Variants in ETNK1 observed in about 807,000 individuals in gnomAD.
ETNK1 encodes putative protein product of Nbla10396.
A neutral mutation model predicts 45.1 loss-of-function variants in ETNK1; 8 were observed. The ratio of observed to expected loss-of-function variants is 0.18; its 90% CI spans 0.10 to 0.32. The LOEUF is 0.32. Ranked by LOEUF, ETNK1 falls within the 10% of genes least tolerant of loss-of-function variation. The pLI is 1.00. For missense variants in ETNK1, 302 were observed against 430.6 expected, an observed-to-expected ratio of 0.70 and a Z score of 2.64; for synonymous variants, 152 against 151.9, an observed-to-expected ratio of 1.00 and a Z score of -0.01.
intron 2 of ETNK1, among the ~76,000 whole-genome samples, chr12:22,652,712 G>T (rs1953894401): frequency 6.6e-6 from 1 of 151,300 alleles, no homozygotes; most frequent in Non-Finnish European, 1.5e-5. Context: ...TTGAGTTGTG[G>T]GAGTTTGTTA....
intron 6 of ETNK1, among the ~76,000 whole-genome samples, chr12:22,683,796 A>C (rs953411552): frequency 1.3e-5 from 2 of 152,192 alleles, no homozygotes; most frequent in African/African-American, 4.8e-5. Flanking sequence ...TCTACTTAGA[A>C]TATTTCTAGT....
At chr12:22,660,310 G>T (rs879197636) in intron 3 of ETNK1, among the ~76,000 whole-genome samples, 5 of 152,118 alleles carry the variant, frequency 3.3e-5, no homozygotes, top group Non-Finnish European at 7.4e-5. Context: ...GAGTATAGCC[G>T]TTTTGTAAGC....
At chr12:22,662,328 T>C (rs1309466484) in intron 4 of ETNK1, among the ~76,000 whole-genome samples, 1 of 145,284 alleles carries the variant, frequency 6.9e-6, no homozygotes, top group African/African-American at 2.5e-5. Flanking sequence ...CCCCAGGTGA[T>C]CCGCCCACCT....
At chr12:22,634,739 C>T (rs1953632654) in intron 1 of ETNK1, among the ~76,000 whole-genome samples, 1 of 151,918 alleles carries the variant, frequency 6.6e-6, no homozygotes. Flanking sequence ...TTTATTTGTA[C>T]AGATGGGATT....
At chr12:22,658,448 G>T (rs796293615) in intron 2 of ETNK1, among the ~76,000 whole-genome samples, 5 of 152,300 alleles carry the variant, frequency 3.3e-5, no homozygotes, top group African/African-American at 1.2e-4. Context: ...CAAACATAGG[G>T]TCCTGGGTCC....
chr12:22,668,108 T>C (rs1189262262), intron 4 of ETNK1, among the ~76,000 whole-genome samples: 1 of 152,180 alleles, frequency 6.6e-6, no homozygotes, highest in Non-Finnish European at 1.5e-5. Context: ...TTTTTAAAGG[T>C]CAGGGGTCCC....
chr12:22,628,766 G>A (rs1953536890), intron 1 of ETNK1, among the ~76,000 whole-genome samples: 1 of 151,886 alleles, frequency 6.6e-6, no homozygotes, highest in Non-Finnish European at 1.5e-5. Context: ...CCATTACTTG[G>A]GACTTATAGT....
rs551648649 is a variant in ETNK1, at chr12:22,646,073, A to T, written c.416+2051A>T. Among the ~76,000 whole-genome samples, 3 of 152,004 alleles carry T rather than the reference A, an allele frequency of 2.0e-5. No individual in the cohort carries two copies. In the South Asian group the frequency reaches 6.2e-4, roughly 31 times the overall value. On this transcript the variant is annotated intron_variant, in intron 2 of 7. Transcript: ENST00000266517. ...CCGAGAAAGTAAGCAAAAGAAGATG[A>T]CACTGAAGAACCCTGTATGATAGGA...
chr12:22,686,333 G>C lies in ETNK1; in HGVS notation c.*1379G>C, dbSNP rs1954260445. ...ATGGTTAACTTTACTTAGAAAATTA[G>C]TCTGACAAGCTTTGCACTTCGGTCA... On this transcript the variant is annotated 3_prime_UTR_variant, in exon 8 of 8. Transcript: ENST00000266517. 1 of 152,244 alleles carries C rather than the reference G, an allele frequency of 6.6e-6. No individual in the cohort carries two copies. Among genetic ancestry groups the C allele is most frequent in the African/African-American group, 2.4e-5 (1 of 41,400 alleles). 9.4% of individuals were successfully genotyped at this position (152,244 alleles called of 1,614,324 possible).
At chr12:22,668,342 T>C (rs1161619516) in intron 4 of ETNK1, among the ~76,000 whole-genome samples, 1 of 152,218 alleles carries the variant, frequency 6.6e-6, no homozygotes, top group Non-Finnish European at 1.5e-5. Flanking sequence ...GTTAAATTTA[T>C]AGAAGGAAAA....
At chr12:22,638,744 G>A (rs1263246454) in intron 1 of ETNK1, 2 of 152,062 alleles carry the variant, frequency 1.3e-5, no homozygotes, top group African/African-American at 4.8e-5. Context: ...TATCATGCAA[G>A]TTAAAAATTA....
rs891880648 is a variant in ETNK1, at chr12:22,687,534, A to G, written c.*2580A>G. 5.9e-5 allele frequency: 9 copies of G among 152,010 alleles called. No homozygotes were observed. The highest frequency in any genetic ancestry group is 2.2e-4 in the African/African-American group (9 of 41,394). 9.4% of individuals were successfully genotyped at this position (152,010 alleles called of 1,614,324 possible). A position where few individuals can be genotyped will look rare whatever the true frequency, so the allele number is the denominator to read the frequency against. On this transcript the variant is annotated 3_prime_UTR_variant, in exon 8 of 8. Transcript: ENST00000266517. ...ATGCTTTAACAAGCCAAATTCCGCA[A>G]TTTTTTTTCCTTTTTTCCCCTTCAT... is the stretch of plus-strand genomic sequence containing the variant.
chr12:22,659,086 T>G lies in ETNK1; in HGVS notation c.489T>G (p.Leu163=). 2.5e-6 allele frequency: 4 copies of G among 1,614,026 alleles called. No homozygotes were observed. The highest frequency in any genetic ancestry group is 1.6e-4 in the Middle Eastern group (1 of 6,062). The part of the protein sequence containing the change: ...AHNGWIPKSN[L]WLKMGKYFSL... ...ATGGCTGGATCCCCAAATCTAATCT[T>G]TGGCTAAAGATGGGAAAGTATTTCT... Residue 163 remains leucine (L), a synonymous_variant, in exon 3 of 8, where the codon CTT becomes CTG. Transcript: ENST00000266517.
At chr12:22,636,656 T>A (rs1953658909) in intron 1 of ETNK1, among the ~76,000 whole-genome samples, 1 of 152,204 alleles carries the variant, frequency 6.6e-6, no homozygotes. Flanking sequence ...TTCAAGCAAC[T>A]GCAGATTGAA....
In ETNK1 at chr12:22,688,617, A is replaced by G. The variant is rs879223883; in HGVS notation, c.*3663A>G. 2 of 152,392 alleles carry G rather than the reference A, an allele frequency of 1.3e-5. No individual in the cohort carries two copies. The highest frequency in any genetic ancestry group is 4.1e-4 in the South Asian group (2 of 4,834). The allele number at this position is 152,392 out of a possible 1,614,324, so 9.4% of individuals were successfully genotyped here. ...TGATACAGACTTAAGCTTTTAATCA[A>G]TCAGTCATTCAGTTGATAGACAAAG... is the stretch of plus-strand genomic sequence containing the variant. On this transcript the variant is annotated 3_prime_UTR_variant, in exon 8 of 8. Coordinates refer to ENST00000266517, the MANE Select transcript of ETNK1 (RefSeq NM_018638.5).
At chr12:22,655,056 C>G (rs1193094843) in intron 2 of ETNK1, among the ~76,000 whole-genome samples, 2 of 152,116 alleles carry the variant, frequency 1.3e-5, no homozygotes, top group Non-Finnish European at 2.9e-5. Context: ...TGAACCTCCC[C>G]CTTGGGTTCA....
At chr12:22,664,616 T>C (rs1027589523) in intron 4 of ETNK1, among the ~76,000 whole-genome samples, 1 of 152,112 alleles carries the variant, frequency 6.6e-6, no homozygotes, top group African/African-American at 2.4e-5. Flanking sequence ...GCAGCAATTT[T>C]GAAAAGGTTA....
chr12:22,677,784 G>A (rs1256325654), intron 6 of ETNK1, among the ~76,000 whole-genome samples: 1 of 152,136 alleles, frequency 6.6e-6, no homozygotes, highest in Non-Finnish European at 1.5e-5. Flanking sequence ...GTGAATGGGA[G>A]TTCACTCATG....
At chr12:22,684,612 A>C (rs1369776164) in intron 7 of ETNK1, 56 bp downstream of exon 7, 3 of 1,167,812 alleles carry the variant, frequency 2.6e-6, no homozygotes, top group Middle Eastern at 2.0e-4. Flanking sequence ...TTGGATTAAC[A>C]TTAAGAATTC....
Sources: allele counts gnomAD v4.1 joint callset (sites outside exome capture counted in the v4.1 genomes callset), GRCh38; gene constraint gnomAD v4.1.1; transcripts MANE v1.5; gene names NCBI Gene and HGNC (gene_info 2026-07-23, HGNC 2026-07-21).